Variants in TMEM108 observed in about 807,000 individuals in gnomAD.
TMEM108 encodes the protein transmembrane protein 108, also known as cancer/testis antigen 124.
In TMEM108, 12 loss-of-function variants were observed where a neutral mutation model predicts 35.1. The observed-to-expected ratio is 0.34, with a 90% CI of 0.22 to 0.55. TMEM108 has a LOEUF of 0.55. Among genes scored for constraint, TMEM108 ranks in the 20% least tolerant of loss-of-function variants. The pLI is 0.89. For synonymous variants in TMEM108, 287 were observed against 308.6 expected (o/e 0.93, Z 0.73); for missense variants, 680 against 753.3 (o/e 0.90, Z 1.14).
intron 2 of TMEM108, among the ~76,000 whole-genome samples, chr3:133,210,393 A>G (rs1454792639): frequency 6.6e-6 from 1 of 152,186 alleles, no homozygotes; most frequent in Non-Finnish European, 1.5e-5. Flanking sequence ...GAACTGCTAG[A>G]TTAGGTTTTT....
chr3:133,166,483 G>A (rs376324106), intron 2 of TMEM108, among the ~76,000 whole-genome samples: 3 of 152,334 alleles, frequency 2.0e-5, no homozygotes, highest in East Asian at 1.9e-4. Flanking sequence ...TAAAGATGGT[G>A]TGTCCGGAGT....
intron 3 of TMEM108, among the ~76,000 whole-genome samples, chr3:133,278,264 CT>C (rs1473112326): frequency 6.6e-6 from 1 of 152,220 alleles, no homozygotes; most frequent in African/African-American, 2.4e-5. Context: ...AATCAAAAGA[CT>C]TGAATTAGAA....
At chr3:133,276,118 A>G (rs1388616705) in intron 3 of TMEM108, among the ~76,000 whole-genome samples, 1 of 152,168 alleles carries the variant, frequency 6.6e-6, no homozygotes, top group Non-Finnish European at 1.5e-5. Context: ...TAGGATGCCC[A>G]GGTAAATTTG....
At chr3:133,296,678 G>A (rs1223455678) in intron 3 of TMEM108, among the ~76,000 whole-genome samples, 2 of 152,184 alleles carry the variant, frequency 1.3e-5, no homozygotes, top group East Asian at 1.9e-4. Flanking sequence ...CAACCCGTGT[G>A]TCAGTGAGTG....
At position 133,180,554 on chromosome 3, in the gene TMEM108, T is replaced by C. The variant is rs1402212524; in HGVS notation, c.-46-48712T>C. 2.6e-5 allele frequency among the ~76,000 whole-genome samples: 4 copies of C among 152,286 alleles called. No homozygotes were observed. The East Asian group carries it at 7.7e-4, about 29-fold the overall frequency. On this transcript the variant is annotated intron_variant, in intron 2 of 5. Transcript: ENST00000321871. ...GAAGCAAATAGCTTTTCTTTTGCAA[T>C]ATGAGAGAATCCACAAAAAACCTTT... is the stretch of plus-strand genomic sequence containing the variant.
intron 4 of TMEM108, among the ~76,000 whole-genome samples, chr3:133,385,403 C>CT (rs1336539098): frequency 5.9e-5 from 9 of 152,186 alleles, no homozygotes; most frequent in African/African-American, 2.2e-4. Flanking sequence ...TTCATGGCTT[C>CT]TCCCCAAGAG....
chr3:133,081,624 C>T (rs1006397580), intron 2 of TMEM108, among the ~76,000 whole-genome samples: 1 of 152,206 alleles, frequency 6.6e-6, no homozygotes, highest in African/African-American at 2.4e-5. Flanking sequence ...CTTTGCATAA[C>T]ACTTGTAACT....
intron 2 of TMEM108, among the ~76,000 whole-genome samples, chr3:133,110,513 A>T (rs1331486548): frequency 1.3e-5 from 2 of 152,184 alleles, no homozygotes; most frequent in Non-Finnish European, 2.9e-5. Flanking sequence ...TGACATTTCT[A>T]GTTGGATCAG....
At chr3:133,306,333 C>G (rs75785634) in intron 3 of TMEM108, among the ~76,000 whole-genome samples, 6,686 of 152,128 alleles carry the variant, frequency 0.044, 192 homozygotes, top group Non-Finnish European at 0.064. Flanking sequence ...TTCTAGTTAT[C>G]CCAGCATCAT....
chr3:133,233,957 T>A (rs1398045287), intron 3 of TMEM108, among the ~76,000 whole-genome samples: 2 of 151,108 alleles, frequency 1.3e-5, no homozygotes, highest in Non-Finnish European at 1.5e-5. Flanking sequence ...GTCAGATGAG[T>A]AGGTTGTGAA....
intron 2 of TMEM108, among the ~76,000 whole-genome samples, chr3:133,208,718 T>C (rs539758208): frequency 9.3e-4 from 142 of 152,254 alleles, no homozygotes; most frequent in South Asian, 4.4e-3. Context: ...CAAAACTGTA[T>C]TGGGGAAGGC....
At chr3:133,341,285 C>G (rs1347668138) in intron 3 of TMEM108, among the ~76,000 whole-genome samples, 2 of 151,792 alleles carry the variant, frequency 1.3e-5, no homozygotes, top group African/African-American at 4.8e-5. Flanking sequence ...AAAAGGAAAT[C>G]AAGAAAGTAA....
At chr3:133,388,301 G>A in intron 4 of TMEM108, 2 of 984,506 alleles carry the variant, frequency 2.0e-6, no homozygotes, top group South Asian at 9.4e-5. Context: ...AGGGGACCCG[G>A]GATCTTGTCC....
chr3:133,148,533 T>C (rs912470949), intron 2 of TMEM108, among the ~76,000 whole-genome samples: 1 of 152,200 alleles, frequency 6.6e-6, no homozygotes, highest in Non-Finnish European at 1.5e-5. Flanking sequence ...ATTTAGGTGA[T>C]GCTAACACTG....
intron 2 of TMEM108, among the ~76,000 whole-genome samples, chr3:133,213,186 A>G (rs879928063): frequency 6.6e-6 from 1 of 152,208 alleles, no homozygotes; most frequent in Non-Finnish European, 1.5e-5. Flanking sequence ...TCTCTTGCAA[A>G]TAACCAAAAG....
intron 2 of TMEM108, among the ~76,000 whole-genome samples, chr3:133,092,991 T>C (rs920811933): frequency 1.5e-5 from 1 of 68,030 alleles, no homozygotes; most frequent in African/African-American, 3.3e-5. Context: ...GTAGGTAAAG[T>C]TTTTTTTTTT....
chr3:133,376,266 C>G (rs1315635938), intron 3 of TMEM108, among the ~76,000 whole-genome samples: 1 of 152,172 alleles, frequency 6.6e-6, no homozygotes, highest in Non-Finnish European at 1.5e-5. Context: ...TAACCCCTCT[C>G]TCTGCCTCTG....
At chr3:133,264,800 G>A (rs1946674291) in intron 3 of TMEM108, among the ~76,000 whole-genome samples, 1 of 152,200 alleles carries the variant, frequency 6.6e-6, no homozygotes, top group Admixed American at 6.5e-5. Context: ...TAGGCTTACT[G>A]AAGGGACCAA....
chr3:133,111,848 A>G (rs1379887872), intron 2 of TMEM108, among the ~76,000 whole-genome samples: 1 of 152,156 alleles, frequency 6.6e-6, no homozygotes, highest in Non-Finnish European at 1.5e-5. Flanking sequence ...TCATCAGTAA[A>G]TGGAGTTGAA....
Sources: gnomAD v4.1 joint callset for allele counts (sites outside exome capture counted in the v4.1 genomes callset) on GRCh38, gnomAD v4.1.1 for gene constraint, MANE v1.5 for transcripts, NCBI Gene and HGNC (gene_info 2026-07-23, HGNC 2026-07-21) for gene names.